Variants in FANCM observed in about 807,000 individuals in gnomAD.
FANCM encodes the protein Fanconi anemia group M protein.
In FANCM, 140 loss-of-function variants were observed where a neutral mutation model predicts 199.5. The ratio of observed to expected loss-of-function variants is 0.70; its 90% CI spans 0.61 to 0.81. The LOEUF is 0.81. Ranked by LOEUF, FANCM falls within the 30% of genes least tolerant of loss-of-function variation. FANCM has a pLI of 0.00. For missense variants in FANCM, 2,410 were observed against 2,421.4 expected (o/e 1.00, Z 0.10); for synonymous variants, 840 against 836.8 (o/e 1.00, Z -0.07).
At position 45,148,998 on chromosome 14, in the gene FANCM, A is replaced by G; in HGVS notation, c.918+3A>G. On this transcript the variant is annotated splice_donor_region_variant and intron_variant, in intron 4 of 22. Coordinates refer to ENST00000267430, the MANE Select transcript of FANCM (RefSeq NM_020937.4). ...CCATCCAAAAGACCTATATCCAGGT[A>G]AACCATTTTTATGACATTTAGGGAT... 1 of 1,610,718 alleles carries G rather than the reference A, an allele frequency of 6.2e-7. No individual in the cohort carries two copies. Among genetic ancestry groups the G allele is most frequent in the African/African-American group, 1.3e-5 (1 of 74,992 alleles).
Position 45,151,457 on chromosome 14 carries a change from C to A in FANCM, c.979C>A (p.Pro327Thr), listed in dbSNP as rs1283925256. The A allele has an allele frequency of 6.2e-7, 1 of 1,612,344 alleles. No individual in the cohort carries two copies. The highest frequency in any genetic ancestry group is 8.5e-7 in the Non-Finnish European group (1 of 1,178,574). ...GAATGTTTTGATGAGAAGGGATATC[C>A]CAAATCTAACAAAATATCAGATAAT... ...QRNVLMRRDI[P>T]NLTKYQIILA... The change falls in exon 5 of 23, where the codon CCA becomes ACA. Residue 327 changes from proline to threonine, a missense_variant. Coordinates refer to ENST00000267430, the MANE Select transcript of FANCM (RefSeq NM_020937.4).
At chr14:45,166,202 G>C (rs1365666620) in intron 10 of FANCM, among the ~76,000 whole-genome samples, 3 of 151,598 alleles carry the variant, frequency 2.0e-5, no homozygotes, top group Non-Finnish European at 4.4e-5. Flanking sequence ...CATGATCTCA[G>C]CTCACTGCAA....
intron 20 of FANCM, chr14:45,195,555 T>C (rs1207498794): frequency 6.6e-6 from 3 of 456,456 alleles, no homozygotes; most frequent in Non-Finnish European, 1.3e-5. Context: ...GTCCACAGGA[T>C]TTGGCAGATT....
At chr14:45,165,814 A>G (rs1887929001) in intron 10 of FANCM, among the ~76,000 whole-genome samples, 1 of 152,150 alleles carries the variant, frequency 6.6e-6, no homozygotes. Context: ...AAATAGTAAC[A>G]GTGGCCCCGT....
At chr14:45,161,909 G>A (rs1191700070) in intron 9 of FANCM, among the ~76,000 whole-genome samples, 1 of 152,184 alleles carries the variant, frequency 6.6e-6, no homozygotes, top group Non-Finnish European at 1.5e-5. Flanking sequence ...GGACTAGGGT[G>A]GTAACAAGGA....
In FANCM at chr14:45,136,037, C is replaced by T. The variant is rs1215540624; in HGVS notation, c.6C>T (p.Ser2=). The part of the protein sequence containing the change: M[S]GRQRTLFQTW... ...CTTCGGTGGTTGTCGGCCTAATGAG[C>T]GGACGGCAAAGAACGCTTTTTCAGA... Residue 2 remains serine (S), a synonymous_variant, in exon 1 of 23, where the codon AGC becomes AGT. Transcript: ENST00000267430. 3 of 1,613,134 alleles carry T rather than the reference C, an allele frequency of 1.9e-6. No homozygotes were observed. The highest frequency in any genetic ancestry group is 3.3e-5 in the Admixed American group (2 of 60,000).
chr14:45,198,732 T>A lies in FANCM; in HGVS notation c.5805T>A (p.Ser1935Arg), dbSNP rs1890206867. The A allele has an allele frequency of 6.2e-7, 1 of 1,613,930 alleles. No individual in the cohort carries two copies. The highest frequency in any genetic ancestry group is 1.3e-5 in the African/African-American group (1 of 75,032). ...GCGCTGGAATCCGAATTCTTTTCAG[T>A]TCCTGCCAAGAAGAAACCGCAGATT... ...LIGAGIRILF[S>R]SCQEETADLL... Residue 1935 changes from serine to arginine, a missense_variant, in exon 22 of 23, where the codon AGT becomes AGA. Transcript: ENST00000267430.
At position 45,175,545 on chromosome 14, in the gene FANCM, A is replaced by G. The variant is rs142798313; in HGVS notation, c.2791A>G (p.Asn931Asp). 3.2e-5 allele frequency: 52 copies of G among 1,613,252 alleles called. 1 individual carries two copies. The highest frequency in any genetic ancestry group is 4.3e-5 in the Non-Finnish European group (51 of 1,179,362). Residue 931 changes from asparagine to aspartate, a missense_variant, in exon 14 of 23, where the codon AAT (asparagine) becomes GAT (aspartate). Physicochemically the swap from Asn to Asp is conservative, Grantham distance 23. Transcript: ENST00000267430. ...CVLLTECQFT[N>D]KSTSSLAGNV... ...GTTATTAACAGAGTGTCAGTTTACAAATAAATCCACTAGTTCACTTGCTGG... is the reference window on the plus strand; with the variant it reads ...GTTATTAACAGAGTGTCAGTTTACAGATAAATCCACTAGTTCACTTGCTGG...
At chr14:45,170,870 T>C in intron 12 of FANCM, 124 bp downstream of exon 12, 2 of 832,060 alleles carry the variant, frequency 2.4e-6, no homozygotes, top group South Asian at 2.8e-5. Flanking sequence ...GTGATTGGAA[T>C]GTCAACTTAC....
At position 45,148,815 on chromosome 14, in the gene FANCM, ATACT is replaced by A. The variant is rs756785095; in HGVS notation, c.760-19_760-16del. 16 of 1,565,700 alleles carry A rather than the reference ATACT, an allele frequency of 1.0e-5. No individual in the cohort carries two copies. The Admixed American group carries it at 2.7e-4, about 26-fold the overall frequency. ...AAATTTTAACATGTAGTTTATAATC[ATACT>A]TAATTGATTTCATATAGGCTGTGCA... On this transcript the variant is annotated intron_variant, in intron 3 of 22. Coordinates refer to ENST00000267430, the MANE Select transcript of FANCM (RefSeq NM_020937.4).
chr14:45,179,561 CTTT>C (rs36031280), intron 14 of FANCM, among the ~76,000 whole-genome samples: 13 of 95,474 alleles, frequency 1.4e-4, no homozygotes, highest in African/African-American at 2.9e-4. Context: ...TTCTTTCTTT[CTTT>C]TTTTTTTTTT....
rs996654030 is a variant in FANCM, at chr14:45,196,227, G to T, written c.5396G>T (p.Arg1799Ile). Reference protein sequence around the residue: ...STSGASCSKSRPHLAGTHTSL... With the variant: ...STSGASCSKSIPHLAGTHTSL... ...TCAGGGGCATCCTGTTCCAAGTCAA[G>T]ACCACATTTAGCTGGGACACATACT... Residue 1799 changes from arginine to isoleucine, a missense_variant, in exon 21 of 23, where the codon AGA becomes ATA. Arg to Ile is a moderately conservative substitution (Grantham distance 97, BLOSUM62 -3). Transcript: ENST00000267430. The T allele has an allele frequency of 4.3e-6, 7 of 1,614,068 alleles. No individual in the cohort carries two copies. Among genetic ancestry groups the T allele is most frequent in the Admixed American group, 3.3e-5 (2 of 60,020 alleles).
rs1336126075 is a variant in FANCM at position 45,147,907 on chromosome 14, C to CG, written c.760-930_760-929insG. ...GGGAGGTTCCAAACCGCCCCCCCCCCAAAAAAAAAGCCGGGCGTGATGCCT... is the reference window on the plus strand; with the variant it reads ...GGGAGGTTCCAAACCGCCCCCCCCCCGAAAAAAAAAGCCGGGCGTGATGCCT... On this transcript the variant is annotated intron_variant, in intron 3 of 22. Coordinates refer to ENST00000267430, the MANE Select transcript of FANCM (RefSeq NM_020937.4). 2.8e-5 allele frequency among the ~76,000 whole-genome samples: 4 copies of CG among 143,008 alleles called. No individual in the cohort carries two copies. The East Asian group carries it at 8.3e-4, about 30-fold the overall frequency. The allele number at this position is 143,008 out of a possible 152,430, so 93.8% of individuals were successfully genotyped here. A position where few individuals can be genotyped will look rare whatever the true frequency, so the allele number is the denominator to read the frequency against.
intron 12 of FANCM, among the ~76,000 whole-genome samples, chr14:45,172,140 T>A (rs1888381355): frequency 6.6e-6 from 1 of 152,158 alleles, no homozygotes; most frequent in African/African-American, 2.4e-5. Flanking sequence ...ATATGTTTAT[T>A]GGCCATTTGA....
At chr14:45,173,606 G>GAGTC (rs1888483104) in intron 13 of FANCM, among the ~76,000 whole-genome samples, 1 of 152,144 alleles carries the variant, frequency 6.6e-6, no homozygotes, top group Non-Finnish European at 1.5e-5. Context: ...ATTCTTCCTA[G>GAGTC]AGTCAGCATA....
chr14:45,183,975 A>G (rs370556312), intron 17 of FANCM, 73 bp downstream of exon 17: 16 of 1,118,996 alleles, frequency 1.4e-5, no homozygotes, highest in African/African-American at 3.1e-5. Flanking sequence ...ACATCAATGT[A>G]GATTTCTCTA....
intron 18 of FANCM, among the ~76,000 whole-genome samples, chr14:45,186,774 A>G (rs1441060307): frequency 6.6e-6 from 1 of 152,152 alleles, no homozygotes; most frequent in African/African-American, 2.4e-5. Flanking sequence ...CTGTTGAAGG[A>G]ATAGTGTTGT....
Position 45,187,898 on chromosome 14 carries a change from T to C in FANCM, c.4779+11T>C. 4.9e-6 allele frequency: 6 copies of C among 1,220,840 alleles called. No homozygotes were observed. Among genetic ancestry groups the C allele is most frequent in the Non-Finnish European group, 7.3e-6 (6 of 822,982 alleles). 75.6% of individuals were successfully genotyped at this position (1,220,840 alleles called of 1,614,324 possible). Reference sequence around the variant, plus strand: ...AACATTTTCTCGCAGGTATGAACTATAGAAATATAATGGAGAATTTCTGGA... The same window carrying C: ...AACATTTTCTCGCAGGTATGAACTACAGAAATATAATGGAGAATTTCTGGA... On this transcript the variant is annotated intron_variant, in intron 19 of 22. Transcript: ENST00000267430.
intron 16 of FANCM, 29 bp from the exon 17 acceptor site, chr14:45,183,745 T>C (rs1355129396): frequency 1.3e-6 from 2 of 1,565,440 alleles, no homozygotes; most frequent in South Asian, 1.1e-5. Context: ...ATTTTTTTCT[T>C]ATGCAAGAAT....
Sources: gnomAD v4.1 joint callset for allele counts (sites outside exome capture counted in the v4.1 genomes callset) on GRCh38, gnomAD v4.1.1 for gene constraint, MANE v1.5 for transcripts, NCBI Gene and HGNC (gene_info 2026-07-23, HGNC 2026-07-21) for gene names.